PJA2: variants seen among roughly 807,000 people sequenced by gnomAD.
PJA2 encodes the protein praja ring finger ubiquitin ligase 2.
PJA2 carries 25 observed loss-of-function variants against 69.3 expected under a neutral mutation model. The observed-to-expected ratio is 0.36, with a 90% CI of 0.26 to 0.50. PJA2 has a LOEUF of 0.50. Among genes scored for constraint, PJA2 ranks in the 20% least tolerant of loss-of-function variants. The pLI, the probability that PJA2 is intolerant of heterozygous loss-of-function variation, is 0.96. For missense variants in PJA2, 809 were observed against 830.2 expected, an observed-to-expected ratio of 0.97 and a Z score of 0.31; for synonymous variants, 308 against 277.8, an observed-to-expected ratio of 1.11 and a Z score of -1.08.
At chr5:109,397,670 C>G (rs1007380174) in intron 1 of PJA2, among the ~76,000 whole-genome samples, 15 of 152,086 alleles carry the variant, frequency 9.9e-5, no homozygotes, top group Non-Finnish European at 1.9e-4. Context: ...AGGCACCCGC[C>G]ACTACGCCCA....
intron 4 of PJA2, among the ~76,000 whole-genome samples, chr5:109,369,645 C>G (rs1466471254): frequency 6.6e-6 from 1 of 151,876 alleles, no homozygotes; most frequent in African/African-American, 2.4e-5. Context: ...TTCCTTTTTC[C>G]CAAAGAACTT....
At chr5:109,377,476 T>C (rs925058568) in intron 4 of PJA2, among the ~76,000 whole-genome samples, 2 of 152,120 alleles carry the variant, frequency 1.3e-5, no homozygotes, top group African/African-American at 4.8e-5. Flanking sequence ...AAAAAAAAGA[T>C]ACGGGTTTGT....
At chr5:109,392,206 T>G (rs1747296896) in intron 1 of PJA2, among the ~76,000 whole-genome samples, 1 of 152,076 alleles carries the variant, frequency 6.6e-6, no homozygotes. Context: ...TAAAAACTTA[T>G]GATAATAAGA....
chr5:109,385,106 T>C (rs1424534431), intron 1 of PJA2, among the ~76,000 whole-genome samples: 3 of 152,228 alleles, frequency 2.0e-5, no homozygotes, highest in Admixed American at 6.5e-5. Flanking sequence ...TGAGCCACAG[T>C]GCCTGGCTGA....
chr5:109,396,422 C>CTTTTTT (rs35744917), intron 1 of PJA2, among the ~76,000 whole-genome samples: 2 of 85,264 alleles, frequency 2.3e-5, no homozygotes, highest in Admixed American at 1.3e-4. Flanking sequence ...ATGTAAAGTT[C>CTTTTTT]TTTTTTTTTT....
chr5:109,371,527 TA>T (rs1037507934), intron 4 of PJA2, among the ~76,000 whole-genome samples: 4 of 152,208 alleles, frequency 2.6e-5, no homozygotes, highest in Admixed American at 6.5e-5. Flanking sequence ...CCGTTTCTCC[TA>T]AAATGTAAAA....
chr5:109,382,602 CT>C (rs1747076484), intron 2 of PJA2, among the ~76,000 whole-genome samples: 2 of 151,698 alleles, frequency 1.3e-5, no homozygotes, highest in Non-Finnish European at 2.9e-5. Flanking sequence ...AATCCCGGTA[CT>C]TTGGGAGGAT....
In PJA2 at chr5:109,337,237, T is replaced by G; in HGVS notation, c.2121A>C (p.Ala707=). The change falls in exon 10 of 10, where the codon GCA becomes GCC. Residue 707 remains alanine (A), a synonymous_variant. Coordinates refer to ENST00000361189, the MANE Select transcript of PJA2 (RefSeq NM_014819.5). ...APPSNDSIAE[A]P is the part of the protein sequence containing the mutation. ...TCATTTCAACTGTCAAGGTTTAGGG[T>G]GCTTCTGCAATACTGTCATTTGAAG... is the stretch of plus-strand genomic sequence containing the variant. 6.2e-7 allele frequency: 1 copy of G among 1,613,482 alleles called. No homozygotes were observed. The highest frequency in any genetic ancestry group is 8.5e-7 in the Non-Finnish European group (1 of 1,179,862).
At chr5:109,351,806 C>T (rs562448077) in intron 7 of PJA2, among the ~76,000 whole-genome samples, 1 of 151,852 alleles carries the variant, frequency 6.6e-6, no homozygotes, top group Non-Finnish European at 1.5e-5. Flanking sequence ...GCTTGAGAAA[C>T]AAACAAACAA....
chr5:109,353,230 G>T (rs1413495506), intron 7 of PJA2, among the ~76,000 whole-genome samples: 2 of 136,650 alleles, frequency 1.5e-5, no homozygotes, highest in African/African-American at 5.4e-5. Context: ...CTATATATTA[G>T]ATACCTATAA....
chr5:109,403,020 A>G (rs1267090116), intron 1 of PJA2, among the ~76,000 whole-genome samples: 1 of 152,042 alleles, frequency 6.6e-6, no homozygotes. Context: ...GCATATAGAA[A>G]GAAATAGTAA....
At position 109,383,595 on chromosome 5, in the gene PJA2, C is replaced by T. The variant is rs865871415; in HGVS notation, c.-87-75G>A. The T allele has an allele frequency of 9.4e-6, 5 of 531,788 alleles. No homozygotes were observed. The Middle Eastern group carries it at 1.3e-3, about 139-fold the overall frequency. The allele number at this position is 531,788 out of a possible 1,614,324, so 32.9% of individuals were successfully genotyped here. On this transcript the variant is annotated intron_variant, in intron 1 of 9. Transcript: ENST00000361189. Reference sequence around the variant, plus strand: ...AGCAAAACTGATACTTCTGCTCCTCCTAGTGAAGTCTTATAATAAAACTTA... The same window carrying T: ...AGCAAAACTGATACTTCTGCTCCTCTTAGTGAAGTCTTATAATAAAACTTA...
chr5:109,341,438 G>A (rs1419405397), intron 9 of PJA2, among the ~76,000 whole-genome samples: 3 of 139,516 alleles, frequency 2.2e-5, no homozygotes, highest in Admixed American at 1.4e-4. Context: ...GAGCCCCTCC[G>A]CCCGGCAGCT....
chr5:109,377,067 C>T (rs543486920), intron 4 of PJA2, among the ~76,000 whole-genome samples: 36 of 152,102 alleles, frequency 2.4e-4, no homozygotes, highest in Non-Finnish European at 4.1e-4. Context: ...GTATATCATA[C>T]AAAAATTACT....
In PJA2 at chr5:109,383,408, G is replaced by T. The variant is rs763710553; in HGVS notation, c.26C>A (p.Pro9Gln). ...GAAGAACTGACTTTCCTTACCTGCTGGCTCCTTTTCAGTGTACTGTGACAT... is the reference window on the plus strand; with the variant it reads ...GAAGAACTGACTTTCCTTACCTGCTTGCTCCTTTTCAGTGTACTGTGACAT... MSQYTEKE[P>Q]AAMDQESGKA... The change falls in exon 2 of 10, where the codon CCA becomes CAA. Residue 9 changes from proline to glutamine, a missense_variant. Physicochemically the swap from Pro to Gln is moderately conservative, Grantham distance 76. This residue lies in a region of PJA2 where 700 missense variants were observed against 639.5 expected (regional missense o/e 1.09). Coordinates refer to ENST00000361189, the MANE Select transcript of PJA2 (RefSeq NM_014819.5). 5.6e-6 allele frequency: 9 copies of T among 1,613,246 alleles called. No individual in the cohort carries two copies. In the South Asian group the frequency reaches 8.8e-5, roughly 16 times the overall value.
Position 109,394,390 on chromosome 5 carries a change from G to C in PJA2, c.-87-10870C>G, listed in dbSNP as rs544440015. On this transcript the variant is annotated intron_variant, in intron 1 of 9. Coordinates refer to ENST00000361189, the MANE Select transcript of PJA2 (RefSeq NM_014819.5). ...TTGGCTGGTGTTTATATTGACTTCA[G>C]CCTGTGCTAATTTACTGAAGTTACA... 1.1e-4 allele frequency among the ~76,000 whole-genome samples: 17 copies of C among 152,162 alleles called. 1 individual carries two copies. Among genetic ancestry groups the C allele is most frequent in the Admixed American group, 4.6e-4 (7 of 15,276 alleles).
intron 9 of PJA2, among the ~76,000 whole-genome samples, chr5:109,338,447 C>T (rs1761984127): frequency 6.6e-6 from 1 of 152,038 alleles, no homozygotes; most frequent in Non-Finnish European, 1.5e-5. Context: ...CGCAACCAGC[C>T]TGGGCAACAT....
intron 9 of PJA2, among the ~76,000 whole-genome samples, chr5:109,340,426 G>A (rs538941950): frequency 6.3e-4 from 96 of 151,404 alleles, no homozygotes; most frequent in African/African-American, 2.2e-3. Context: ...AAGGGAAGGA[G>A]AAAAAAAGCA....
In PJA2 at chr5:109,383,284, T is replaced by C. The variant is rs1200500589; in HGVS notation, c.31+119A>G. The C allele has an allele frequency of 5.0e-6, 4 of 797,038 alleles. No homozygotes were observed. The Admixed American group carries it at 7.8e-5, about 15-fold the overall frequency. 49.4% of individuals were successfully genotyped at this position (797,038 alleles called of 1,614,324 possible). ...GCTTTACAAATATTCAATATATGGA[T>C]CAAAACCAGCCTTTTAGTAAGACCA... is the stretch of plus-strand genomic sequence containing the variant. On this transcript the variant is annotated intron_variant, in intron 2 of 9. Transcript: ENST00000361189.
Sources: allele counts gnomAD v4.1 joint callset (sites outside exome capture counted in the v4.1 genomes callset), GRCh38; gene constraint gnomAD v4.1.1; regional missense constraint gnomAD v4.1.1; transcripts MANE v1.5; gene names NCBI Gene and HGNC (gene_info 2026-07-23, HGNC 2026-07-21).